Variants in VRK3 observed in about 807,000 individuals in gnomAD.
VRK3 encodes the protein VRK serine/threonine kinase 3.
VRK3 carries 50 observed loss-of-function variants against 60.4 expected under a neutral mutation model. That is an observed-to-expected ratio of 0.83 (90% CI 0.66 to 1.05). The LOEUF (loss-of-function observed/expected upper bound fraction) is 1.05, where lower values mean the gene tolerates loss of function less well. Ranked by LOEUF, VRK3 falls within the 50% of genes least tolerant of loss-of-function variation. The pLI, the probability that VRK3 is intolerant of heterozygous loss-of-function variation, is 0.00. For missense variants in VRK3, 549 were observed against 585.3 expected, an observed-to-expected ratio of 0.94 and a Z score of 0.64; for synonymous variants, 246 against 227.8, an observed-to-expected ratio of 1.08 and a Z score of -0.72.
intron 13 of VRK3, among the ~76,000 whole-genome samples, chr19:49,979,473 C>G (rs911893927): frequency 3.9e-5 from 6 of 152,216 alleles, no homozygotes; most frequent in Non-Finnish European, 8.8e-5. Context: ...CCCAAGTACC[C>G]ATCACTCAGT....
intron 9 of VRK3, among the ~76,000 whole-genome samples, chr19:49,994,260 T>C (rs963427132): frequency 6.6e-6 from 1 of 152,140 alleles, no homozygotes; most frequent in Admixed American, 6.5e-5. Flanking sequence ...GATTCACTAT[T>C]GGCCCCTCCC....
chr19:49,994,021 T>C (rs1246491286), intron 9 of VRK3, among the ~76,000 whole-genome samples: 1 of 152,136 alleles, frequency 6.6e-6, no homozygotes. Context: ...CTCAGCCTGC[T>C]GTGCGAGGCC....
chr19:49,979,755 G>A (rs1210106312), intron 13 of VRK3, among the ~76,000 whole-genome samples: 1 of 152,102 alleles, frequency 6.6e-6, no homozygotes, highest in Non-Finnish European at 1.5e-5. Context: ...GGGATTTAAA[G>A]TAATTCAGCC....
chr19:49,998,744 G>A (rs1244146980), intron 6 of VRK3: 1 of 151,958 alleles, frequency 6.6e-6, no homozygotes, highest in Non-Finnish European at 1.5e-5. Flanking sequence ...GAACATGGAA[G>A]CCATCCCATA....
rs745557564 is a variant in VRK3 at position 50,000,887 on chromosome 19, A to C, written c.548-33T>G. 4.4e-6 allele frequency: 7 copies of C among 1,600,982 alleles called. 1 individual carries two copies. The South Asian group carries it at 7.8e-5, about 18-fold the overall frequency. ...GGAACAAACAAGGGAGTGAGGTTAT[A>C]ACCACGCGGAAGGTCAGGGTCATCA... On this transcript the variant is annotated intron_variant, in intron 5 of 14. Coordinates refer to ENST00000316763, the MANE Select transcript of VRK3 (RefSeq NM_016440.4).
chr19:49,995,428 G>C (rs1015281381), intron 7 of VRK3, among the ~76,000 whole-genome samples, 153 bp from the exon 8 acceptor site: 1 of 152,232 alleles, frequency 6.6e-6, no homozygotes, highest in East Asian at 1.9e-4. Context: ...ATGGTGGGAA[G>C]GGGCTGGTGA....
intron 11 of VRK3, 80 bp from the exon 12 acceptor site, chr19:49,988,572 C>T (rs1470467732): frequency 6.5e-7 from 1 of 1,538,374 alleles, no homozygotes; most frequent in African/African-American, 1.4e-5. Flanking sequence ...TCCTTCCCCT[C>T]TCTCTCACTG....
intron 9 of VRK3, among the ~76,000 whole-genome samples, chr19:49,994,457 T>C (rs1373270185): frequency 6.6e-6 from 1 of 152,246 alleles, no homozygotes. Context: ...AGCTGTATCC[T>C]TGGCCGGACC....
intron 3 of VRK3, 101 bp downstream of exon 3, chr19:50,015,912 CCAGTGTCAGGA>C: frequency 6.8e-7 from 1 of 1,470,616 alleles, no homozygotes; most frequent in Non-Finnish European, 9.3e-7. Context: ...CTGGGCTTCT[CCAGTGTCAGGA>C]CAGGGTCAGA....
intron 1 of VRK3, among the ~76,000 whole-genome samples, chr19:50,022,497 T>C (rs10416365): frequency 0.014 from 2,192 of 151,862 alleles, 56 homozygotes; most frequent in African/African-American, 0.051. Flanking sequence ...CCCTGGCCCA[T>C]ATGGTGGGTC....
At chr19:50,002,059 G>A (rs10423007) in intron 5 of VRK3, among the ~76,000 whole-genome samples, 7,982 of 152,188 alleles carry the variant, frequency 0.052, 694 homozygotes, top group African/African-American at 0.18. Flanking sequence ...CTCCCCAGCC[G>A]GGGAGTGGCA....
Position 50,021,920 on chromosome 19 carries a change from G to C in VRK3, c.-64-1273C>G, listed in dbSNP as rs563308465. Among the ~76,000 whole-genome samples, 10 of 152,336 alleles carry C rather than the reference G, an allele frequency of 6.6e-5. No homozygotes were observed. In the South Asian group the frequency reaches 2.1e-3, roughly 32 times the overall value. On this transcript the variant is annotated intron_variant, in intron 1 of 14. Transcript: ENST00000316763. ...GTAAGAATGATTTCCCCTTTGGGGAGATGAGAAGCAGAGGCTCAGAGAGCA... is the reference window on the plus strand; with the variant it reads ...GTAAGAATGATTTCCCCTTTGGGGACATGAGAAGCAGAGGCTCAGAGAGCA...
chr19:49,981,098 G>GTC, intron 12 of VRK3, 85 bp from the exon 13 acceptor site: 3 of 1,216,950 alleles, frequency 2.5e-6, no homozygotes, highest in South Asian at 1.3e-5. Flanking sequence ...TATATACACA[G>GTC]CCTAAGATAT....
intron 13 of VRK3, 58 bp downstream of exon 13, chr19:49,980,897 T>C: frequency 4.6e-6 from 7 of 1,523,184 alleles, no homozygotes; most frequent in Non-Finnish European, 6.3e-6. Context: ...CCAAGATGGA[T>C]CTGAGCCACC....
At chr19:50,024,398 G>A (rs574674742) in intron 1 of VRK3, among the ~76,000 whole-genome samples, 1 of 152,364 alleles carries the variant, frequency 6.6e-6, no homozygotes, top group South Asian at 2.1e-4. Flanking sequence ...TTCAAAGCCA[G>A]GTGAGGTTGG....
intron 9 of VRK3, among the ~76,000 whole-genome samples, chr19:49,993,257 GC>G (rs1181975242): frequency 1.3e-5 from 2 of 152,182 alleles, no homozygotes; most frequent in African/African-American, 4.8e-5. Context: ...ATGTCTCTCT[GC>G]AAAAATGACT....
At chr19:50,025,019 G>A (rs80027603) in intron 1 of VRK3, 2,352 of 152,304 alleles carry the variant, frequency 0.015, 34 homozygotes, top group Middle Eastern at 0.051. Flanking sequence ...CACAGCGGAG[G>A]AGCTGTCGAA....
At chr19:50,024,709 T>C (rs921488301) in intron 1 of VRK3, among the ~76,000 whole-genome samples, 1 of 152,186 alleles carries the variant, frequency 6.6e-6, no homozygotes, top group African/African-American at 2.4e-5. Context: ...CTCAATAAAA[T>C]TGGATGTGCT....
At position 50,009,356 on chromosome 19, in the gene VRK3, CA is replaced by C. The variant is rs1385247947; in HGVS notation, c.168del (p.Phe56LeufsTer8). The C allele has an allele frequency of 1.9e-6, 3 of 1,613,818 alleles. No homozygotes were observed. The highest frequency in any genetic ancestry group is 2.5e-6 in the Non-Finnish European group (3 of 1,179,900). On this transcript the variant is annotated frameshift_variant, in exon 4 of 15. Transcript: ENST00000316763. LOFTEE classifies it high-confidence loss of function. Reference protein sequence around the residue: ...QGSKRGLNSSFETSPKKVKWS... With the variant: ...QGSKRGLNSSXETSPKKVKWS... ...CATTTCACTTTCTTAGGAGAGGTTT[CA>C]AAACTGGAGTTCAGCCCTCTCTTTG...
Sources: gnomAD v4.1 joint callset for allele counts (sites outside exome capture counted in the v4.1 genomes callset) on GRCh38, gnomAD v4.1.1 for gene constraint, MANE v1.5 for transcripts, NCBI Gene and HGNC (gene_info 2026-07-23, HGNC 2026-07-21) for gene names.